The following HNF1B variants were observed in gnomAD, a reference collection of about 807,000 sequenced individuals.
HNF1B encodes the protein HNF1 homeobox B, also known as hepatocyte nuclear factor 1-beta.
In HNF1B, 8 loss-of-function variants were observed where a neutral mutation model predicts 61.7. The observed-to-expected ratio is 0.13, with a 90% confidence interval of 0.08 to 0.23. The LOEUF (loss-of-function observed/expected upper bound fraction) is 0.23, where lower values mean the gene tolerates loss of function less well. HNF1B is among the 10% of genes least tolerant of loss of function. The pLI is 1.00. For synonymous variants in HNF1B, 314 were observed against 287.7 expected, an observed-to-expected ratio of 1.09 and a Z score of -0.93; for missense variants, 562 against 714.5, an observed-to-expected ratio of 0.79 and a Z score of 2.43.
chr17:37,739,574 C>T lies in HNF1B; in HGVS notation c.410G>A (p.Arg137Lys), dbSNP rs2147575425. 1 of 1,614,138 alleles carries T rather than the reference C, an allele frequency of 6.2e-7. No individual in the cohort carries two copies. The highest frequency in any genetic ancestry group is 8.5e-7 in the Non-Finnish European group (1 of 1,180,020). ...CAGGCCGGTGACATCGACCACCTCCCTCTGGGGGATGTTGTGTTGCTGCAT... is the reference window on the plus strand; with the variant it reads ...CAGGCCGGTGACATCGACCACCTCCTTCTGGGGGATGTTGTGTTGCTGCAT... ...GYMQQHNIPQ[R>K]EVVDVTGLNQ... is the part of the protein sequence containing the mutation. The change falls in exon 2 of 9, where the codon AGG becomes AAG. Residue 137 changes from arginine to lysine, a missense_variant. Arg to Lys is a conservative substitution (Grantham distance 26). Around this residue, in one of 6 missense-constraint regions of HNF1B, gnomAD observed 16 missense variants for 66.3 expected, o/e 0.24. Transcript: ENST00000617811.
intron 4 of HNF1B, among the ~76,000 whole-genome samples, chr17:37,717,908 A>T (rs1039701591): frequency 2.0e-5 from 3 of 152,222 alleles, no homozygotes; most frequent in African/African-American, 7.2e-5. Flanking sequence ...AAAATCTGCA[A>T]ATGTGGAAGA....
intron 4 of HNF1B, among the ~76,000 whole-genome samples, chr17:37,722,121 G>A (rs1026335785): frequency 1.3e-5 from 2 of 152,124 alleles, no homozygotes; most frequent in Admixed American, 1.3e-4. Flanking sequence ...CACAGATCTT[G>A]CCAATACTTA....
At chr17:37,702,278 T>C (rs1462082112) in intron 6 of HNF1B, among the ~76,000 whole-genome samples, 1 of 152,144 alleles carries the variant, frequency 6.6e-6, no homozygotes, top group African/African-American at 2.4e-5. Flanking sequence ...AGGGAAGTCA[T>C]CAATGGAGAT....
At chr17:37,728,935 C>T (rs2033597523) in intron 4 of HNF1B, 1 of 154,142 alleles carries the variant, frequency 6.5e-6, no homozygotes, top group Non-Finnish European at 1.4e-5. Flanking sequence ...GGGGAATGCC[C>T]TGGTGTGTGA....
chr17:37,713,502 A>G (rs1218797444), intron 4 of HNF1B, among the ~76,000 whole-genome samples: 1 of 152,202 alleles, frequency 6.6e-6, no homozygotes, highest in South Asian at 2.1e-4. Flanking sequence ...TTTCTCCCCA[A>G]CAAAACTTTA....
At chr17:37,744,365 G>GT (rs965905667) in intron 1 of HNF1B, among the ~76,000 whole-genome samples, 176 bp downstream of exon 1, 1 of 152,208 alleles carries the variant, frequency 6.6e-6, no homozygotes, top group East Asian at 1.9e-4. Flanking sequence ...CCGCAGGGTC[G>GT]TCCCGCTAAG....
rs531390531 is a variant in HNF1B at position 37,687,075 on chromosome 17, C to T, written c.*297G>A. ...ATGAAGGATCACAACATAGACAGTA[C>T]GGCTTTCTTGCTTCCTCTTCGGAGG... On this transcript the variant is annotated 3_prime_UTR_variant, in exon 9 of 9. Coordinates refer to ENST00000617811, the MANE Select transcript of HNF1B (RefSeq NM_000458.4). The T allele has an allele frequency of 2.3e-5, 14 of 600,706 alleles. No individual in the cohort carries two copies. Among genetic ancestry groups the T allele is most frequent in the African/African-American group, 9.3e-5 (5 of 53,992 alleles). 37.2% of individuals were successfully genotyped at this position (600,706 alleles called of 1,614,324 possible).
At chr17:37,740,845 T>C (rs2033971494) in intron 1 of HNF1B, among the ~76,000 whole-genome samples, 1 of 152,244 alleles carries the variant, frequency 6.6e-6, no homozygotes, top group Non-Finnish European at 1.5e-5. Flanking sequence ...TTAGCACCTT[T>C]GAATTTTATT....
intron 4 of HNF1B, among the ~76,000 whole-genome samples, chr17:37,715,378 G>C (rs1232368838): frequency 6.6e-6 from 1 of 152,202 alleles, no homozygotes; most frequent in African/African-American, 2.4e-5. Context: ...ACGTCTAGCA[G>C]AAGTAGAAAA....
At chr17:37,698,267 C>T (rs2032452336) in intron 8 of HNF1B, among the ~76,000 whole-genome samples, 1 of 152,214 alleles carries the variant, frequency 6.6e-6, no homozygotes, top group South Asian at 2.1e-4. Context: ...ACTAAAAGGT[C>T]TCATTGTGTT....
At chr17:37,692,409 T>C (rs1165186865) in intron 8 of HNF1B, among the ~76,000 whole-genome samples, 4 of 152,278 alleles carry the variant, frequency 2.6e-5, no homozygotes, top group African/African-American at 9.6e-5. Flanking sequence ...GAAGTCCAGC[T>C]CTGGAATTTA....
rs751498987 is a variant in HNF1B, at chr17:37,744,557, C to T, written c.328G>A (p.Val110Met). 6.2e-7 allele frequency: 1 copy of T among 1,603,694 alleles called. No homozygotes were observed. The highest frequency in any genetic ancestry group is 8.5e-7 in the Non-Finnish European group (1 of 1,179,874). ...TEEAAEQRAE[V>M]DRMLSEDPWR... ...TGCGCCTACCTGAGCATCCGGTCCA[C>T]CTCCGCCCGCTGCTCCGCCGCCTCC... Residue 110 changes from valine (V) to methionine (M), a missense_variant, in exon 1 of 9, where the codon GTG becomes ATG. By Grantham distance (21) the Val-to-Met change is conservative. Around this residue, in one of 6 missense-constraint regions of HNF1B, gnomAD observed 148 missense variants for 147.3 expected, o/e 1.00. Transcript: ENST00000617811.
At chr17:37,717,717 G>T (rs1415178621) in intron 4 of HNF1B, among the ~76,000 whole-genome samples, 2 of 152,220 alleles carry the variant, frequency 1.3e-5, no homozygotes, top group African/African-American at 4.8e-5. Flanking sequence ...CCATTTGGAA[G>T]AAAAGAATGT....
At chr17:37,693,189 C>CAAAA (rs11464180) in intron 8 of HNF1B, among the ~76,000 whole-genome samples, 10 of 47,750 alleles carry the variant, frequency 2.1e-4, no homozygotes, top group South Asian at 8.4e-4. Context: ...GATTCCATCT[C>CAAAA]AAAAAAAAAA....
At position 37,733,630 on chromosome 17, in the gene HNF1B, A is replaced by G; in HGVS notation, c.736T>C (p.Leu246=). 6.2e-7 allele frequency: 1 copy of G among 1,614,010 alleles called. No individual in the cohort carries two copies. Among genetic ancestry groups the G allele is most frequent in the Non-Finnish European group, 8.5e-7 (1 of 1,180,002 alleles). ...FKWGPASQQI[L]YQAYDRQKNP... is the part of the protein sequence containing the mutation. ...TTTTGCCGATCGTAGGCCTGGTACAAGATTTGCTGGGACGCGGGCCCCCAT... is the reference window on the plus strand; with the variant it reads ...TTTTGCCGATCGTAGGCCTGGTACAGGATTTGCTGGGACGCGGGCCCCCAT... The change falls in exon 3 of 9, where the codon TTG becomes CTG. Residue 246 remains leucine (L), a synonymous_variant. Transcript: ENST00000617811.
intron 4 of HNF1B, among the ~76,000 whole-genome samples, chr17:37,718,873 T>C (rs2033212070): frequency 6.6e-6 from 1 of 152,206 alleles, no homozygotes; most frequent in Non-Finnish European, 1.5e-5. Context: ...CTTTCACCTT[T>C]AGACTGTTGA....
In HNF1B at chr17:37,710,610, T is replaced by C. The variant is rs752182450; in HGVS notation, c.1099A>G (p.Ser367Gly). Reference sequence around the variant, plus strand: ...ACCATGGCGCTGTTGCCATGGTGACTGATTGTTGAGGAGGAAGTGATCTCA... The same window carrying C: ...ACCATGGCGCTGTTGCCATGGTGACCGATTGTTGAGGAGGAAGTGATCTCA... Reference protein sequence around the residue: ...NNEITSSSTISHHGNSAMVTS... With the variant: ...NNEITSSSTIGHHGNSAMVTS... The change falls in exon 5 of 9, where the codon AGT becomes GGT. Residue 367 changes from serine to glycine, a missense_variant. Physicochemically the swap from Ser to Gly is moderately conservative, Grantham distance 56 (BLOSUM62 0). Coordinates refer to ENST00000617811, the MANE Select transcript of HNF1B (RefSeq NM_000458.4). The C allele has an allele frequency of 1.9e-5, 30 of 1,613,920 alleles. No individual in the cohort carries two copies. In the South Asian group the frequency reaches 3.1e-4, roughly 17 times the overall value.
At position 37,735,623 on chromosome 17, in the gene HNF1B, G is replaced by A. The variant is rs957763568; in HGVS notation, c.545-1802C>T. ...GCTAGTGGGATCATGTGGGGCCCCA[G>A]CTTAATTCCCTCATCATTTAGTCTC... On this transcript the variant is annotated intron_variant, in intron 2 of 8. Coordinates refer to ENST00000617811, the MANE Select transcript of HNF1B (RefSeq NM_000458.4). Among the ~76,000 whole-genome samples the A allele has an allele frequency of 3.3e-5, 5 of 152,166 alleles. No homozygotes were observed. The South Asian group carries it at 1.0e-3, about 32-fold the overall frequency.
At position 37,689,988 on chromosome 17, in the gene HNF1B, A is replaced by G. The variant is rs140426895; in HGVS notation, c.1654-2596T>C. Among the ~76,000 whole-genome samples, 641 of 138,312 alleles carry G rather than the reference A, an allele frequency of 4.6e-3. 4 individuals carry two copies. Among genetic ancestry groups the G allele is most frequent in the Non-Finnish European group, 7.1e-3 (459 of 64,882 alleles). The allele number at this position is 138,312 out of a possible 152,430, so 90.7% of individuals were successfully genotyped here. A position where few individuals can be genotyped will look rare whatever the true frequency, so the allele number is the denominator to read the frequency against. On this transcript the variant is annotated intron_variant, in intron 8 of 8. Coordinates refer to ENST00000617811, the MANE Select transcript of HNF1B (RefSeq NM_000458.4). ...TAGTGAAGGCTTTGAATAATAAACA[A>G]GTAAACAAATGCGTGCACACACACA...
Sources: gnomAD v4.1 joint callset for allele counts (sites outside exome capture counted in the v4.1 genomes callset) on GRCh38, gnomAD v4.1.1 for gene constraint, gnomAD v4.1.1 regional missense constraint, MANE v1.5 for transcripts, NCBI Gene and HGNC (gene_info 2026-07-23, HGNC 2026-07-21) for gene names.